CYP2C8: variants seen among roughly 807,000 people sequenced by gnomAD.
CYP2C8 encodes the protein cytochrome P450 2C8.
CYP2C8 carries 51 observed loss-of-function variants against 41.3 expected under a neutral mutation model. The observed-to-expected ratio is 1.24, with a 90% CI of 0.99 to 1.56. CYP2C8 has a LOEUF of 1.56. CYP2C8 is among the 40% of genes most tolerant of loss of function. The probability of loss-of-function intolerance (pLI) is 0.00; values close to 1 mark genes in which losing one functional copy is unlikely to be tolerated. For synonymous variants in CYP2C8, 218 were observed against 205.8 expected, an observed-to-expected ratio of 1.06 and a Z score of -0.51; for missense variants, 651 against 579.9, an observed-to-expected ratio of 1.12 and a Z score of -1.26.
At position 95,036,909 on chromosome 10, in the gene CYP2C8, T is replaced by C; in HGVS notation, c.*219A>G. 1 of 588,528 alleles carries C rather than the reference T, an allele frequency of 1.7e-6. No homozygotes were observed. Among genetic ancestry groups the C allele is most frequent in the Non-Finnish European group, 3.1e-6 (1 of 326,160 alleles). 36.5% of individuals were successfully genotyped at this position (588,528 alleles called of 1,614,324 possible). A position where few individuals can be genotyped will look rare whatever the true frequency, so the allele number is the denominator to read the frequency against. ...TCAGCATTAGAAAAGTATTAGCATA[T>C]GCAGCAATTAATACAAGTGTTACAG... is the stretch of plus-strand genomic sequence containing the variant. On this transcript the variant is annotated 3_prime_UTR_variant, in exon 9 of 9. Coordinates refer to ENST00000371270, the MANE Select transcript of CYP2C8 (RefSeq NM_000770.3).
At chr10:95,063,152 G>A (rs968874918) in intron 4 of CYP2C8, among the ~76,000 whole-genome samples, 9 of 152,160 alleles carry the variant, frequency 5.9e-5, no homozygotes, top group African/African-American at 9.6e-5. Context: ...TCTTTGTGGC[G>A]TTCTCTGTAT....
intron 5 of CYP2C8, among the ~76,000 whole-genome samples, chr10:95,050,988 C>T (rs145806648): frequency 2.5e-3 from 380 of 152,166 alleles, no homozygotes; most frequent in African/African-American, 8.9e-3. Context: ...CCTCACCACA[C>T]GAACTAAATA....
At position 95,043,028 on chromosome 10, in the gene CYP2C8, G is replaced by T; in HGVS notation, c.1011C>A (p.Pro337=). Residue 337 remains proline, a synonymous_variant, in exon 7 of 9, where the codon CCC becomes CCA. Coordinates refer to ENST00000371270, the MANE Select transcript of CYP2C8 (RefSeq NM_000770.3). ...GCATGTGGCTCCTATCCTGCATGCA[G>T]GGGCTCCTGTGTCTGCCAATTACAT... ...IDHVIGRHRS[P]CMQDRSHMPY... 6.2e-7 allele frequency: 1 copy of T among 1,614,210 alleles called. No individual in the cohort carries two copies. The highest frequency in any genetic ancestry group is 8.5e-7 in the Non-Finnish European group (1 of 1,180,030).
chr10:95,060,452 A>G (rs1027275516), intron 4 of CYP2C8, among the ~76,000 whole-genome samples: 23 of 152,094 alleles, frequency 1.5e-4, no homozygotes, highest in African/African-American at 5.1e-4. Context: ...TTTGTCTGTT[A>G]TTGGTGTAGA....
chr10:95,058,650 A>T, intron 4 of CYP2C8, 139 bp from the exon 5 acceptor site: 1 of 758,170 alleles, frequency 1.3e-6, no homozygotes, highest in Non-Finnish European at 2.1e-6. Context: ...ACATATATAC[A>T]TTTTTTATTA....
intron 6 of CYP2C8, among the ~76,000 whole-genome samples, chr10:95,043,477 C>T (rs1397768195): frequency 1.3e-5 from 2 of 152,040 alleles, no homozygotes; most frequent in South Asian, 2.1e-4. Context: ...TTTGTGTGTG[C>T]GGTGGTGGAG....
At chr10:95,057,827 T>A (rs1022016292) in intron 5 of CYP2C8, among the ~76,000 whole-genome samples, 1 of 152,144 alleles carries the variant, frequency 6.6e-6, no homozygotes, top group Non-Finnish European at 1.5e-5. Context: ...AAATTAAACC[T>A]TCTCTCTTCC....
In CYP2C8 at chr10:95,038,915, A is replaced by G. The variant is rs371330493; in HGVS notation, c.1273T>C (p.Phe425Leu). ...KNGNFKKSDY[F>L]MPFSAGKRIC... Reference sequence around the variant, plus strand: ...CTATTACCTGCTGAGAAAGGCATGAAGTAGTCACTTTTCTTAAAGTTGCCA... The same window carrying G: ...CTATTACCTGCTGAGAAAGGCATGAGGTAGTCACTTTTCTTAAAGTTGCCA... The change falls in exon 8 of 9, where the codon TTC (phenylalanine) becomes CTC (leucine). Residue 425 changes from phenylalanine to leucine, a missense_variant. By Grantham distance (22) the Phe-to-Leu change is conservative. Transcript: ENST00000371270. The G allele has an allele frequency of 2.0e-5, 33 of 1,613,984 alleles. No individual in the cohort carries two copies. In the African/African-American group the frequency reaches 3.9e-4, roughly 19 times the overall value.
At chr10:95,052,403 C>T (rs2033229481) in intron 5 of CYP2C8, among the ~76,000 whole-genome samples, 1 of 152,018 alleles carries the variant, frequency 6.6e-6, no homozygotes, top group African/African-American at 2.4e-5. Flanking sequence ...CCTACTCAAA[C>T]TATTCCACAA....
chr10:95,042,405 A>T (rs942273508), intron 7 of CYP2C8, among the ~76,000 whole-genome samples: 11 of 21,280 alleles, frequency 5.2e-4, no homozygotes, highest in Non-Finnish European at 8.3e-4. Flanking sequence ...CAAAGAAATA[A>T]AAAAAAATTA....
At chr10:95,053,766 G>A (rs539498177) in intron 5 of CYP2C8, among the ~76,000 whole-genome samples, 1 of 152,040 alleles carries the variant, frequency 6.6e-6, no homozygotes. Flanking sequence ...GGCCTGTTGG[G>A]GGGTGGGGAG....
chr10:95,041,674 G>T (rs544705857), intron 7 of CYP2C8, among the ~76,000 whole-genome samples: 4 of 151,424 alleles, frequency 2.6e-5, no homozygotes, highest in African/African-American at 9.7e-5. Context: ...CCAGCTACTC[G>T]GGAGGCTGAG....
At chr10:95,041,948 A>G (rs937604936) in intron 7 of CYP2C8, among the ~76,000 whole-genome samples, 8 of 152,198 alleles carry the variant, frequency 5.3e-5, no homozygotes, top group African/African-American at 1.9e-4. Context: ...GATTTTATGA[A>G]AATACCAACT....
At chr10:95,052,430 A>C (rs1453462352) in intron 5 of CYP2C8, among the ~76,000 whole-genome samples, 1 of 152,122 alleles carries the variant, frequency 6.6e-6, no homozygotes, top group Non-Finnish European at 1.5e-5. Context: ...GAAGGAGGGA[A>C]TACTTCCAAA....
At chr10:95,061,828 T>G (rs1426669947) in intron 4 of CYP2C8, among the ~76,000 whole-genome samples, 2 of 152,258 alleles carry the variant, frequency 1.3e-5, no homozygotes, top group Non-Finnish European at 2.9e-5. Flanking sequence ...CCAGAGATTC[T>G]GGTATGTTGT....
Position 95,039,064 on chromosome 10 carries a change from G to T in CYP2C8, c.1150-26C>A, listed in dbSNP as rs371351342. On this transcript the variant is annotated intron_variant, in intron 7 of 8. Coordinates refer to ENST00000371270, the MANE Select transcript of CYP2C8 (RefSeq NM_000770.3). The stretch of plus-strand genomic sequence containing the variant: ...CTGGAAGTAACAAAACAGATAATCT[G>T]ATTTATAAAGAAGTCCAGAAGTGAG... 5 of 1,607,704 alleles carry T rather than the reference G, an allele frequency of 3.1e-6. No homozygotes were observed. The African/African-American group carries it at 6.7e-5, about 21-fold the overall frequency.
chr10:95,040,958 G>C (rs1224683179), intron 7 of CYP2C8: 1 of 456,040 alleles, frequency 2.2e-6, no homozygotes, highest in Non-Finnish European at 4.4e-6. Flanking sequence ...TGTTATCAAA[G>C]CTCTGAAAAG....
intron 8 of CYP2C8, among the ~76,000 whole-genome samples, 184 bp downstream of exon 8, chr10:95,038,713 C>T (rs1041531021): frequency 3.9e-5 from 6 of 152,118 alleles, no homozygotes; most frequent in African/African-American, 4.8e-5. Flanking sequence ...CTGCAAGCCC[C>T]GCTATCTGGC....
intron 5 of CYP2C8, among the ~76,000 whole-genome samples, chr10:95,049,135 T>G: frequency 6.6e-6 from 1 of 151,920 alleles, no homozygotes; most frequent in Non-Finnish European, 1.5e-5. Context: ...ATCCGAATAA[T>G]CCCATTAGAA....
Sources: allele counts gnomAD v4.1 joint callset (sites outside exome capture counted in the v4.1 genomes callset), GRCh38; gene constraint gnomAD v4.1.1; transcripts MANE v1.5; gene names NCBI Gene and HGNC (gene_info 2026-07-23, HGNC 2026-07-21).